PPP2CA: variants seen among roughly 807,000 people sequenced by gnomAD.
PPP2CA encodes protein phosphatase 2 catalytic subunit alpha.
PPP2CA carries 5 observed loss-of-function variants against 38.8 expected under a neutral mutation model. That is an observed-to-expected ratio of 0.13 (90% CI 0.07 to 0.27). PPP2CA has a LOEUF of 0.27. Ranked by LOEUF, PPP2CA falls within the 10% of genes least tolerant of loss-of-function variation. The pLI is 1.00. For synonymous variants in PPP2CA, 152 were observed against 134.0 expected (o/e 1.13, Z -0.93); for missense variants, 88 against 389.7 (o/e 0.23, Z 6.52).
chr5:134,222,541 G>GA (rs74423517), intron 1 of PPP2CA, among the ~76,000 whole-genome samples: 68 of 147,388 alleles, frequency 4.6e-4, no homozygotes, highest in African/African-American at 6.7e-4. Flanking sequence ...GAACTTCTTT[G>GA]AAAAAAAAAA....
chr5:134,226,041 C>A lies in PPP2CA; in HGVS notation c.-180G>T. 1 of 534,580 alleles carries A rather than the reference C, an allele frequency of 1.9e-6. No homozygotes were observed. 33.1% of individuals were successfully genotyped at this position (534,580 alleles called of 1,614,324 possible). A position where few individuals can be genotyped will look rare whatever the true frequency, so the allele number is the denominator to read the frequency against. Reference sequence around the variant, plus strand: ...CCGTCGGCCGCTGCGCCTCCTCCTCCGCTCGCTGAGGCTCCAGAGCTCGGC... The same window carrying A: ...CCGTCGGCCGCTGCGCCTCCTCCTCAGCTCGCTGAGGCTCCAGAGCTCGGC... On this transcript the variant is annotated 5_prime_UTR_variant, in exon 1 of 7. Transcript: ENST00000481195.
intron 1 of PPP2CA, among the ~76,000 whole-genome samples, chr5:134,222,464 A>T (rs1762466348): frequency 6.6e-6 from 1 of 152,192 alleles, no homozygotes; most frequent in South Asian, 2.1e-4. Flanking sequence ...CTAACATTTT[A>T]ATGACTAATG....
At chr5:134,198,952 G>T in intron 6 of PPP2CA, 134 bp downstream of exon 6, 1 of 672,368 alleles carries the variant, frequency 1.5e-6, no homozygotes, top group Non-Finnish European at 2.6e-6. Context: ...AGGAGGCCAA[G>T]GTGAAAGGAT....
chr5:134,216,847 A>G (rs1295659521), intron 1 of PPP2CA, among the ~76,000 whole-genome samples: 1 of 152,140 alleles, frequency 6.6e-6, no homozygotes, highest in East Asian at 1.9e-4. Context: ...TTGATGAAAA[A>G]CGTCAATGCA....
chr5:134,201,083 A>G lies in PPP2CA; in HGVS notation c.487-9T>C, dbSNP rs1220004825. On this transcript the variant is annotated splice_polypyrimidine_tract_variant and intron_variant, in intron 3 of 6. Coordinates refer to ENST00000481195, the MANE Select transcript of PPP2CA (RefSeq NM_002715.4). ...CCATGTAGACAGAAGATCTGAAAAG[A>G]GTGGTTTAAAAGGTTAACCTCACCT... The G allele has an allele frequency of 6.2e-7, 1 of 1,602,006 alleles. No individual in the cohort carries two copies. Among genetic ancestry groups the G allele is most frequent in the African/African-American group, 1.3e-5 (1 of 74,794 alleles).
intron 1 of PPP2CA, among the ~76,000 whole-genome samples, chr5:134,223,381 C>T (rs1450596075): frequency 2.0e-5 from 3 of 152,054 alleles, no homozygotes; most frequent in Non-Finnish European, 4.4e-5. Flanking sequence ...TTCTACATAC[C>T]CAAAAAACTG....
At chr5:134,209,047 T>C (rs1762144891) in intron 1 of PPP2CA, among the ~76,000 whole-genome samples, 1 of 152,208 alleles carries the variant, frequency 6.6e-6, no homozygotes, top group Non-Finnish European at 1.5e-5. Flanking sequence ...GAAGTGAACT[T>C]AACTAGTGTA....
At position 134,225,837 on chromosome 5, in the gene PPP2CA, C is replaced by G. The variant is rs960944162; in HGVS notation, c.25G>C (p.Glu9Gln). MDEKVFTK[E>Q]LDQWIEQLNE... ...AGCTGCTCGATCCACTGGTCCAGCT[C>G]CTTGGTGAACACCTTCTCGTCCATG... The change falls in exon 1 of 7, where the codon GAG becomes CAG. Residue 9 changes from glutamate to glutamine, a missense_variant. Coordinates refer to ENST00000481195, the MANE Select transcript of PPP2CA (RefSeq NM_002715.4). 1 of 1,609,370 alleles carries G rather than the reference C, an allele frequency of 6.2e-7. No homozygotes were observed. Among genetic ancestry groups the G allele is most frequent in the Admixed American group, 1.7e-5 (1 of 59,898 alleles).
intron 1 of PPP2CA, among the ~76,000 whole-genome samples, chr5:134,211,331 A>G (rs1424365580): frequency 1.3e-5 from 2 of 152,104 alleles, no homozygotes; most frequent in Admixed American, 1.3e-4. Flanking sequence ...CCCACTATAA[A>G]ATAATCAGCT....
At chr5:134,222,534 C>T (rs1456956672) in intron 1 of PPP2CA, among the ~76,000 whole-genome samples, 1 of 148,700 alleles carries the variant, frequency 6.7e-6, no homozygotes, top group South Asian at 2.1e-4. Flanking sequence ...AGGTAAAGAA[C>T]TTCTTTGAAA....
chr5:134,223,902 T>G (rs556059629), intron 1 of PPP2CA, among the ~76,000 whole-genome samples: 57 of 152,358 alleles, frequency 3.7e-4, no homozygotes, highest in Admixed American at 7.2e-4. Context: ...ACTACTAATT[T>G]AAAACGGAAT....
chr5:134,202,731 T>C (rs1397736958), intron 2 of PPP2CA, among the ~76,000 whole-genome samples: 1 of 152,244 alleles, frequency 6.6e-6, no homozygotes, highest in Non-Finnish European at 1.5e-5. Flanking sequence ...CTTTCATTTC[T>C]TTTAGGAAGA....
chr5:134,218,662 T>G (rs1321606254), intron 1 of PPP2CA, among the ~76,000 whole-genome samples: 1 of 90,596 alleles, frequency 1.1e-5, no homozygotes, highest in East Asian at 2.4e-4. Flanking sequence ...TAGATGGTTG[T>G]TTCTTTCTTT....
intron 1 of PPP2CA, among the ~76,000 whole-genome samples, chr5:134,216,276 C>T (rs571693093): frequency 6.4e-4 from 97 of 152,124 alleles, no homozygotes; most frequent in African/African-American, 2.3e-3. Flanking sequence ...GTGGATCATG[C>T]CTGTAATCCC....
chr5:134,202,873 TAACC>T, intron 2 of PPP2CA, among the ~76,000 whole-genome samples: 1 of 152,356 alleles, frequency 6.6e-6, no homozygotes, highest in East Asian at 1.9e-4. Flanking sequence ...TCTCCGGTAT[TAACC>T]AACACTTGGT....
intron 6 of PPP2CA, 37 bp from the exon 7 acceptor site, chr5:134,197,881 G>C (rs749495722): frequency 2.6e-6 from 4 of 1,547,714 alleles, no homozygotes; most frequent in Non-Finnish European, 3.6e-6. Context: ...TATGTTCCAC[G>C]ACCTCCATGT....
At chr5:134,219,098 G>C (rs571154795) in intron 1 of PPP2CA, among the ~76,000 whole-genome samples, 3 of 152,334 alleles carry the variant, frequency 2.0e-5, no homozygotes, top group African/African-American at 4.8e-5. Flanking sequence ...CTCATTTACA[G>C]ATTAGTGGCA....
chr5:134,205,728 G>T, intron 2 of PPP2CA, 194 bp downstream of exon 2: 1 of 442,750 alleles, frequency 2.3e-6, no homozygotes, highest in Non-Finnish European at 3.9e-6. Flanking sequence ...TCCTCCTTTT[G>T]TTTTGATTCT....
chr5:134,216,603 G>C (rs576306851), intron 1 of PPP2CA, among the ~76,000 whole-genome samples: 5 of 148,884 alleles, frequency 3.4e-5, no homozygotes, highest in Middle Eastern at 3.6e-3. Context: ...AGAACCCCAA[G>C]GTCTATACTG....
Sources: gnomAD v4.1 joint callset for allele counts (sites outside exome capture counted in the v4.1 genomes callset) on GRCh38, gnomAD v4.1.1 for gene constraint, MANE v1.5 for transcripts, NCBI Gene and HGNC (gene_info 2026-07-23, HGNC 2026-07-21) for gene names.